Variants in RARB observed in about 807,000 individuals in gnomAD.
RARB encodes the protein HBV-activated protein.
RARB carries 17 observed loss-of-function variants against 51.9 expected under a neutral mutation model. The observed-to-expected ratio is 0.33, with a 90% confidence interval of 0.22 to 0.49. The LOEUF (loss-of-function observed/expected upper bound fraction) is 0.49. Ranked by LOEUF, RARB falls within the 20% of genes least tolerant of loss-of-function variation. The pLI, the probability that RARB is intolerant of heterozygous loss-of-function variation, is 0.99. For missense variants in RARB, 369 were observed against 550.8 expected (o/e 0.67, Z 3.30); for synonymous variants, 215 against 195.4 (o/e 1.10, Z -0.84).
At chr3:25,354,037 C>T (rs980295550) in intron 5 of RARB, among the ~76,000 whole-genome samples, 3 of 130,686 alleles carry the variant, frequency 2.3e-5, no homozygotes, top group African/African-American at 8.6e-5. Flanking sequence ...CCACCCCAAA[C>T]CCCCCACCCC....
At chr3:25,429,723 C>A (rs1708127885) in intron 1 of RARB, among the ~76,000 whole-genome samples, 1 of 152,232 alleles carries the variant, frequency 6.6e-6, no homozygotes, top group Non-Finnish European at 1.5e-5. Context: ...GAGGTACGCA[C>A]CTGGTCAACA....
intron 4 of RARB, among the ~76,000 whole-genome samples, chr3:25,139,629 G>A (rs982268972): frequency 1.3e-5 from 2 of 152,170 alleles, no homozygotes; most frequent in Non-Finnish European, 2.9e-5. Context: ...AGCAGCAAGT[G>A]CTGATGGAAA....
intron 5 of RARB, among the ~76,000 whole-genome samples, chr3:25,253,813 A>C (rs1016667231): frequency 1.3e-5 from 2 of 152,140 alleles, no homozygotes; most frequent in Admixed American, 6.6e-5. Flanking sequence ...TTTCTTTTCC[A>C]TCGAGCCCTA....
chr3:25,324,852 T>C (rs933965165), intron 5 of RARB, among the ~76,000 whole-genome samples: 2 of 152,172 alleles, frequency 1.3e-5, no homozygotes, highest in Non-Finnish European at 2.9e-5. Flanking sequence ...AGTTCCGGCC[T>C]TCCCAAATTA....
Position 25,205,362 on chromosome 3 carries a change from C to G in RARB, c.178+30787C>G, listed in dbSNP as rs140540532. On this transcript the variant is annotated intron_variant, in intron 5 of 11. Transcript: ENST00000383772. ...GCTAGGAAAGGGAATTCCCTGACCC[C>G]TTGCACTTCCCGGGTGAGGCAATGC... 4.5e-3 allele frequency among the ~76,000 whole-genome samples: 689 copies of G among 152,284 alleles called. 8 individuals carry two copies. Among genetic ancestry groups the G allele is most frequent in the African/African-American group, 0.016 (646 of 41,568 alleles).
intron 2 of RARB, among the ~76,000 whole-genome samples, chr3:24,945,816 C>T (rs947759043): frequency 6.6e-6 from 1 of 152,206 alleles, no homozygotes; most frequent in Non-Finnish European, 1.5e-5. Context: ...GTCAGTGAGG[C>T]ATCCACAGGG....
In RARB at chr3:24,974,196, A is replaced by G. The variant is rs116808025; in HGVS notation, c.-379-85929A>G. On this transcript the variant is annotated intron_variant, in intron 2 of 11. Transcript: ENST00000383772. Reference sequence around the variant, plus strand: ...TTTACCAAAAGATTTTCCAGCATCAATTGAAATAATCATATGGTTTATGTT... The same window carrying G: ...TTTACCAAAAGATTTTCCAGCATCAGTTGAAATAATCATATGGTTTATGTT... Among the ~76,000 whole-genome samples the G allele has an allele frequency of 1.2e-3, 189 of 152,244 alleles. 1 individual carries two copies. The highest frequency in any genetic ancestry group is 4.2e-3 in the African/African-American group (174 of 41,572).
chr3:25,563,627 C>T (rs954703419), intron 3 of RARB, among the ~76,000 whole-genome samples: 12 of 152,184 alleles, frequency 7.9e-5, no homozygotes, highest in African/African-American at 2.7e-4. Flanking sequence ...AATAGATCCA[C>T]CTGCCTTCAG....
intron 5 of RARB, among the ~76,000 whole-genome samples, chr3:25,384,274 C>A (rs1397658708): frequency 6.6e-6 from 1 of 151,616 alleles, no homozygotes; most frequent in Non-Finnish European, 1.5e-5. Flanking sequence ...TGTCTCCTTC[C>A]TTCCTTCTCT....
At chr3:25,008,399 T>C (rs551412804) in intron 2 of RARB, among the ~76,000 whole-genome samples, 1 of 152,312 alleles carries the variant, frequency 6.6e-6, no homozygotes, top group Admixed American at 6.5e-5. Context: ...CTTCAGGAAC[T>C]TGGCTTCTGA....
At chr3:25,215,112 A>G (rs1170347569) in intron 5 of RARB, among the ~76,000 whole-genome samples, 2 of 152,126 alleles carry the variant, frequency 1.3e-5, no homozygotes, top group Admixed American at 1.3e-4. Flanking sequence ...CTTAATCCCA[A>G]CTGTACACGG....
chr3:25,319,355 T>A (rs909624486), intron 5 of RARB, among the ~76,000 whole-genome samples: 3 of 152,210 alleles, frequency 2.0e-5, no homozygotes, highest in Non-Finnish European at 4.4e-5. Context: ...TCCATTTCAT[T>A]CCCTGGAAAG....
At chr3:25,025,505 A>G (rs1342503231) in intron 2 of RARB, among the ~76,000 whole-genome samples, 1 of 152,206 alleles carries the variant, frequency 6.6e-6, no homozygotes, top group African/African-American at 2.4e-5. Context: ...GTTTGATGAT[A>G]TATGGAACTA....
Position 25,527,489 on chromosome 3 carries a change from G to A in RARB, c.448+26166G>A, listed in dbSNP as rs118021880. Among the ~76,000 whole-genome samples the A allele has an allele frequency of 4.6e-5, 7 of 152,288 alleles. No homozygotes were observed. The East Asian group carries it at 1.4e-3, about 29-fold the overall frequency. On this transcript the variant is annotated intron_variant, in intron 3 of 7. Coordinates refer to ENST00000330688, the MANE Select transcript of RARB (RefSeq NM_000965.5). The stretch of plus-strand genomic sequence containing the variant: ...TCAAAAAAGCTGTGCTTTGAAATTA[G>A]TCAGCTGTGGGTTCAATTCCATCTC...
At chr3:24,962,905 T>A (rs2084399145) in intron 2 of RARB, among the ~76,000 whole-genome samples, 1 of 152,144 alleles carries the variant, frequency 6.6e-6, no homozygotes, top group African/African-American at 2.4e-5. Context: ...ATTGTTAGCA[T>A]CCCCATTTTA....
chr3:25,158,162 T>C (rs1700409795), intron 4 of RARB, among the ~76,000 whole-genome samples: 1 of 152,232 alleles, frequency 6.6e-6, no homozygotes, highest in South Asian at 2.1e-4. Flanking sequence ...AAGATAATAC[T>C]GCTCTGTTTC....
chr3:25,502,085 G>A (rs531785420), intron 3 of RARB, among the ~76,000 whole-genome samples: 2 of 152,320 alleles, frequency 1.3e-5, no homozygotes, highest in East Asian at 3.9e-4. Context: ...GGGGCTATGT[G>A]CCCAGTGATG....
chr3:25,444,691 G>GT (rs1708850983), intron 1 of RARB, among the ~76,000 whole-genome samples: 1 of 152,312 alleles, frequency 6.6e-6, no homozygotes, highest in South Asian at 2.1e-4. Flanking sequence ...AAGATTCAAT[G>GT]TATCTCCTGT....
At chr3:25,341,214 A>C (rs1048289751) in intron 5 of RARB, among the ~76,000 whole-genome samples, 1 of 152,210 alleles carries the variant, frequency 6.6e-6, no homozygotes, top group African/African-American at 2.4e-5. Flanking sequence ...CCTGGCATGA[A>C]GCAGACCTTT....
Sources: allele counts gnomAD v4.1 joint callset (sites outside exome capture counted in the v4.1 genomes callset), GRCh38; gene constraint gnomAD v4.1.1; transcripts MANE v1.5; gene names NCBI Gene and HGNC (gene_info 2026-07-23, HGNC 2026-07-21).